Variants in HHIP observed in about 807,000 individuals in gnomAD.
HHIP encodes hedgehog-interacting protein.
Under a neutral mutation model 74.0 loss-of-function variants are expected in HHIP, and 12 were observed. That is an observed-to-expected ratio of 0.16 (90% CI 0.10 to 0.26). The LOEUF is 0.26. Ranked by LOEUF, HHIP falls within the 10% of genes least tolerant of loss-of-function variation. HHIP has a pLI of 1.00. For synonymous variants in HHIP, 309 were observed against 311.6 expected (o/e 0.99, Z 0.09); for missense variants, 788 against 845.0 (o/e 0.93, Z 0.84).
rs886174224 is a variant in HHIP at position 144,743,233 on chromosome 4, A to G, written c.*5276A>G. ...GTAGAGCTGTTTTCTTCTCAGTCAT[A>G]GTGGTGGTTTTCCTAGCTGCTATGG... is the stretch of plus-strand genomic sequence containing the variant. On this transcript the variant is annotated 3_prime_UTR_variant, in exon 13 of 13. Transcript: ENST00000296575. 1.3e-5 allele frequency: 2 copies of G among 150,994 alleles called. No homozygotes were observed. Among genetic ancestry groups the G allele is most frequent in the Middle Eastern group, 3.4e-3 (1 of 292 alleles). 9.4% of individuals were successfully genotyped at this position (150,994 alleles called of 1,614,324 possible).
intron 11 of HHIP, among the ~76,000 whole-genome samples, chr4:144,732,479 GA>G (rs1348502575): frequency 6.6e-6 from 1 of 152,120 alleles, no homozygotes; most frequent in Non-Finnish European, 1.5e-5. Context: ...AATGTTTGGT[GA>G]AAAGTAGTCA....
At chr4:144,717,412 A>G (rs1167491607) in intron 10 of HHIP, among the ~76,000 whole-genome samples, 1 of 152,170 alleles carries the variant, frequency 6.6e-6, no homozygotes, top group Non-Finnish European at 1.5e-5. Context: ...CTACGTTTTT[A>G]GTACAAACTG....
intron 1 of HHIP, among the ~76,000 whole-genome samples, chr4:144,647,525 G>T (rs1728301795): frequency 6.6e-6 from 1 of 152,184 alleles, no homozygotes; most frequent in Non-Finnish European, 1.5e-5. Flanking sequence ...AAAAACTGGC[G>T]AAAGATTTTG....
intron 4 of HHIP, among the ~76,000 whole-genome samples, chr4:144,665,510 A>C (rs1336121851): frequency 6.6e-6 from 1 of 152,178 alleles, no homozygotes; most frequent in Admixed American, 6.6e-5. Context: ...TTCAATTTTC[A>C]TGTAAGTTTA....
chr4:144,723,490 C>G (rs992385300), intron 11 of HHIP, among the ~76,000 whole-genome samples: 1 of 152,190 alleles, frequency 6.6e-6, no homozygotes, highest in African/African-American at 2.4e-5. Context: ...TTGCATATAT[C>G]TCAGGGAGCC....
Position 144,707,361 on chromosome 4 carries a change from T to A in HHIP, c.1157+101T>A. ...TGAATTAAGAACCATCTTTGAATGG[T>A]CACCTTGGTTAAATACTTAACTTTT... On this transcript the variant is annotated intron_variant, in intron 6 of 12. Transcript: ENST00000296575. The A allele has an allele frequency of 5.3e-6, 5 of 947,906 alleles. No homozygotes were observed. The South Asian group carries it at 8.4e-5, about 16-fold the overall frequency. 58.7% of individuals were successfully genotyped at this position (947,906 alleles called of 1,614,324 possible). A position where few individuals can be genotyped will look rare whatever the true frequency, so the allele number is the denominator to read the frequency against.
chr4:144,664,183 C>A (rs1024680596), intron 4 of HHIP, among the ~76,000 whole-genome samples: 2 of 152,296 alleles, frequency 1.3e-5, no homozygotes, highest in East Asian at 3.9e-4. Context: ...TCAAAAGATG[C>A]TTTTAGAAGC....
At chr4:144,702,495 A>T (rs1730012197) in intron 4 of HHIP, among the ~76,000 whole-genome samples, 1 of 152,216 alleles carries the variant, frequency 6.6e-6, no homozygotes, top group Non-Finnish European at 1.5e-5. Flanking sequence ...CTTAGTCTAC[A>T]GGTTCCAAAT....
intron 12 of HHIP, among the ~76,000 whole-genome samples, chr4:144,737,377 C>G (rs1409801078): frequency 3.3e-5 from 5 of 152,274 alleles, no homozygotes; most frequent in Non-Finnish European, 7.4e-5. Flanking sequence ...CTGGGCCACT[C>G]CCATGTTGAG....
At chr4:144,693,059 G>A (rs747196139) in intron 4 of HHIP, among the ~76,000 whole-genome samples, 16 of 152,158 alleles carry the variant, frequency 1.1e-4, no homozygotes, top group Non-Finnish European at 2.2e-4. Context: ...AGCAAGAGCT[G>A]TGGAGTGAGT....
intron 11 of HHIP, 105 bp downstream of exon 11, chr4:144,719,061 T>C: frequency 1.3e-6 from 1 of 749,746 alleles, no homozygotes; most frequent in Non-Finnish European, 2.3e-6. Flanking sequence ...TCAGCCAAGA[T>C]GTACACTTTT....
At position 144,737,760 on chromosome 4, in the gene HHIP, C is replaced by T; in HGVS notation, c.1910-4C>T. ...GTGATGTTCTTGCTCTTTTTCTCTC[C>T]CAGCAAAATGTGAGCCAGCATGTCG... On this transcript the variant is annotated splice_region_variant and splice_polypyrimidine_tract_variant and intron_variant, in intron 12 of 12. Transcript: ENST00000296575. The T allele has an allele frequency of 6.3e-7, 1 of 1,592,070 alleles. No homozygotes were observed. The highest frequency in any genetic ancestry group is 1.3e-5 in the African/African-American group (1 of 74,332).
intron 4 of HHIP, among the ~76,000 whole-genome samples, chr4:144,690,033 C>T (rs1264561987): frequency 6.6e-6 from 1 of 152,152 alleles, no homozygotes; most frequent in Non-Finnish European, 1.5e-5. Flanking sequence ...GTCTCAAACT[C>T]GTGACCTCAC....
chr4:144,702,703 A>C lies in HHIP; in HGVS notation c.832-3828A>C, dbSNP rs77695623. Among the ~76,000 whole-genome samples the C allele has an allele frequency of 4.7e-3, 716 of 151,906 alleles. 8 individuals are homozygous for C. Among genetic ancestry groups the C allele is most frequent in the African/African-American group, 0.017 (699 of 41,422 alleles). On this transcript the variant is annotated intron_variant, in intron 4 of 12. Transcript: ENST00000296575. ...GTTTTTTTTTTTTTAAAGCATTACC[A>C]AACTGAGGAAATCCTAAATTCTTGT...
At chr4:144,658,042 A>C (rs532676825) in intron 2 of HHIP, among the ~76,000 whole-genome samples, 4 of 152,178 alleles carry the variant, frequency 2.6e-5, no homozygotes, top group African/African-American at 9.7e-5. Flanking sequence ...AAAATGACCA[A>C]AACTGGCACC....
chr4:144,712,168 T>C, intron 8 of HHIP, 97 bp downstream of exon 8: 1 of 1,109,584 alleles, frequency 9.0e-7, no homozygotes, highest in Non-Finnish European at 1.3e-6. Context: ...AAATGAGCAT[T>C]TGGGAAAGCA....
At chr4:144,732,834 G>C (rs1731000563) in intron 11 of HHIP, among the ~76,000 whole-genome samples, 1 of 152,108 alleles carries the variant, frequency 6.6e-6, no homozygotes, top group Non-Finnish European at 1.5e-5. Context: ...CTCTTTTCTT[G>C]AATGAGTCAG....
intron 4 of HHIP, chr4:144,661,254 C>T (rs1361330291): frequency 6.6e-6 from 1 of 152,112 alleles, no homozygotes; most frequent in Non-Finnish European, 1.5e-5. Context: ...TAAAATTGTA[C>T]AAGCAAGGAT....
At chr4:144,653,610 T>C (rs551803822) in intron 2 of HHIP, among the ~76,000 whole-genome samples, 34 of 152,286 alleles carry the variant, frequency 2.2e-4, no homozygotes, top group African/African-American at 7.9e-4. Context: ...TTCTGTTTAG[T>C]TGGGCAAAGT....
Sources: allele counts gnomAD v4.1 joint callset (sites outside exome capture counted in the v4.1 genomes callset), GRCh38; gene constraint gnomAD v4.1.1; transcripts MANE v1.5; gene names NCBI Gene and HGNC (gene_info 2026-07-23, HGNC 2026-07-21).